NCOA7: variants seen among roughly 807,000 people sequenced by gnomAD.
NCOA7 encodes the protein 140 kDa estrogen receptor-associated protein.
Under a neutral mutation model 104.3 loss-of-function variants are expected in NCOA7, and 45 were observed. The ratio of observed to expected loss-of-function variants is 0.43; its 90% CI spans 0.34 to 0.55. The LOEUF is 0.55. Ranked by LOEUF, NCOA7 falls within the 20% of genes least tolerant of loss-of-function variation. The probability of loss-of-function intolerance (pLI) is 0.02; values close to 1 mark genes in which losing one functional copy is unlikely to be tolerated. For missense variants in NCOA7, 1,041 were observed against 1,119.7 expected, an observed-to-expected ratio of 0.93 and a Z score of 1.00; for synonymous variants, 398 against 402.3, an observed-to-expected ratio of 0.99 and a Z score of 0.13.
rs542607429 is a variant in NCOA7, at chr6:125,926,685, T to C, written c.2524-978T>C. On this transcript the variant is annotated intron_variant, in intron 13 of 15. Transcript: ENST00000392477. ...TACCTAATACTTAGTGTTACAAGTA[T>C]AGCCAGGAACTGAGTGTAAGTGGTG... 1.6e-4 allele frequency among the ~76,000 whole-genome samples: 24 copies of C among 152,326 alleles called. No individual in the cohort carries two copies. In the South Asian group the frequency reaches 4.1e-3, roughly 26 times the overall value.
chr6:125,888,877 C>T, intron 8 of NCOA7, 62 bp from the exon 9 acceptor site: 2 of 1,309,008 alleles, frequency 1.5e-6, no homozygotes, highest in African/African-American at 3.0e-5. Context: ...TGCCTTTCCT[C>T]CATTTTGTTT....
At chr6:125,888,755 T>C (rs1784424312) in intron 8 of NCOA7, among the ~76,000 whole-genome samples, 184 bp from the exon 9 acceptor site, 1 of 152,230 alleles carries the variant, frequency 6.6e-6, no homozygotes, top group Admixed American at 6.5e-5. Context: ...CTATGTTTTA[T>C]TTTGAAATCA....
chr6:125,881,099 G>A lies in NCOA7; in HGVS notation c.469G>A (p.Val157Met), dbSNP rs774250411. 1.2e-6 allele frequency: 2 copies of A among 1,613,434 alleles called. No homozygotes were observed. Among genetic ancestry groups the A allele is most frequent in the Non-Finnish European group, 1.7e-6 (2 of 1,179,526 alleles). The change falls in exon 6 of 16, where the codon GTG becomes ATG. Residue 157 changes from valine to methionine, a missense_variant. Transcript: ENST00000392477. The part of the protein sequence containing the change: ...HTIVPGQVLF[V>M]PDANSPSSTL... ...TCTCTCCCATTCTCAGGTCCTTTTT[G>A]TGCCAGATGCCAACTCTCCTTCCAG...
At chr6:125,913,368 A>G (rs544959526) in intron 10 of NCOA7, among the ~76,000 whole-genome samples, 1 of 152,180 alleles carries the variant, frequency 6.6e-6, no homozygotes, top group Non-Finnish European at 1.5e-5. Flanking sequence ...ACCTGATTGG[A>G]TGAGGCCCAC....
intron 2 of NCOA7, among the ~76,000 whole-genome samples, chr6:125,828,457 A>G (rs1383817550): frequency 6.6e-6 from 1 of 152,202 alleles, no homozygotes; most frequent in Non-Finnish European, 1.5e-5. Context: ...CCAAGCTTCT[A>G]GCTAATTCTT....
chr6:125,836,542 C>A (rs1001132476), intron 2 of NCOA7, among the ~76,000 whole-genome samples: 1 of 152,106 alleles, frequency 6.6e-6, no homozygotes, highest in Non-Finnish European at 1.5e-5. Flanking sequence ...GTTATCATTC[C>A]ATTTTGGTTT....
intron 1 of NCOA7, among the ~76,000 whole-genome samples, chr6:125,809,929 G>A (rs936039731): frequency 6.6e-6 from 1 of 152,092 alleles, no homozygotes; most frequent in Non-Finnish European, 1.5e-5. Flanking sequence ...TGCTATGTGG[G>A]TCCACAGCTG....
intron 1 of NCOA7, chr6:125,810,496 C>T (rs1322137099): frequency 6.6e-6 from 1 of 152,068 alleles, no homozygotes; most frequent in African/African-American, 2.4e-5. Flanking sequence ...CTGCAATACA[C>T]CATAAATGCA....
At chr6:125,912,339 G>A (rs1442785928) in intron 10 of NCOA7, among the ~76,000 whole-genome samples, 1 of 150,608 alleles carries the variant, frequency 6.6e-6, no homozygotes, top group Admixed American at 6.6e-5. Context: ...TGTTCCCTCG[G>A]AAGTTAGGAA....
At chr6:125,877,573 G>GC (rs1266703251) in intron 4 of NCOA7, among the ~76,000 whole-genome samples, 1 of 152,108 alleles carries the variant, frequency 6.6e-6, no homozygotes, top group Non-Finnish European at 1.5e-5. Flanking sequence ...TCTCCTCACT[G>GC]CCCTCTATTC....
At chr6:125,847,496 G>C (rs1309228937) in intron 2 of NCOA7, among the ~76,000 whole-genome samples, 1 of 152,132 alleles carries the variant, frequency 6.6e-6, no homozygotes, top group Non-Finnish European at 1.5e-5. Context: ...AAAAACACAT[G>C]GATCCCAAAT....
chr6:125,815,473 G>A (rs753735199), intron 2 of NCOA7, 69 bp downstream of exon 2: 20 of 1,265,286 alleles, frequency 1.6e-5, no homozygotes, highest in Non-Finnish European at 2.3e-5. Flanking sequence ...TTGTCCTCAA[G>A]TATTACTTCG....
At chr6:125,814,872 A>G (rs533816906) in intron 1 of NCOA7, among the ~76,000 whole-genome samples, 2 of 152,354 alleles carry the variant, frequency 1.3e-5, no homozygotes, top group Non-Finnish European at 2.9e-5. Flanking sequence ...ACATTCTTGT[A>G]AAACACCTAA....
upstream of NCOA7, among the ~76,000 whole-genome samples, chr6:125,788,926 G>C (rs190743722): frequency 1.2e-3 from 190 of 152,118 alleles, no homozygotes; most frequent in South Asian, 0.015. Context: ...AAACATCACT[G>C]CTTAATTTAT....
chr6:125,872,227 A>G (rs1308724972), intron 3 of NCOA7, among the ~76,000 whole-genome samples: 1 of 152,186 alleles, frequency 6.6e-6, no homozygotes, highest in African/African-American at 2.4e-5. Flanking sequence ...GAACATAGTT[A>G]AGTTTATCCT....
chr6:125,817,961 T>G (rs1777745489), intron 2 of NCOA7, among the ~76,000 whole-genome samples: 1 of 152,014 alleles, frequency 6.6e-6, no homozygotes. Context: ...GTGGTCATGC[T>G]TCTCCTCCCC....
At chr6:125,797,879 C>G (rs1046133460) in intron 1 of NCOA7, 15 of 152,170 alleles carry the variant, frequency 9.9e-5, no homozygotes, top group Admixed American at 5.2e-4. Context: ...ATCACAGAAC[C>G]TTCCAAAATA....
At chr6:125,804,657 A>G (rs1776258498) in intron 1 of NCOA7, among the ~76,000 whole-genome samples, 1 of 152,252 alleles carries the variant, frequency 6.6e-6, no homozygotes, top group Non-Finnish European at 1.5e-5. Context: ...AATGCATTCA[A>G]TATATTAAAA....
chr6:125,895,415 A>G (rs1784925438), intron 10 of NCOA7, among the ~76,000 whole-genome samples: 2 of 152,194 alleles, frequency 1.3e-5, no homozygotes, highest in South Asian at 2.1e-4. Context: ...AATTATGCTG[A>G]GATAACTTTA....
Sources: gnomAD v4.1 joint callset for allele counts (sites outside exome capture counted in the v4.1 genomes callset) on GRCh38, gnomAD v4.1.1 for gene constraint, MANE v1.5 for transcripts, NCBI Gene and HGNC (gene_info 2026-07-23, HGNC 2026-07-21) for gene names.